Variants in HEXD observed in about 807,000 individuals in gnomAD.
HEXD encodes hexosaminidase D.
Under a neutral mutation model 54.2 loss-of-function variants are expected in HEXD, and 47 were observed. The ratio of observed to expected loss-of-function variants is 0.87; its 90% CI spans 0.69 to 1.11. The LOEUF (loss-of-function observed/expected upper bound fraction) is 1.11, where lower values mean the gene tolerates loss of function less well. Among genes scored for constraint, HEXD ranks in the 50% least tolerant of loss-of-function variants. The pLI, the probability that HEXD is intolerant of heterozygous loss-of-function variation, is 0.00. For synonymous variants in HEXD, 293 were observed against 287.6 expected, an observed-to-expected ratio of 1.02 and a Z score of -0.19; for missense variants, 576 against 649.2, an observed-to-expected ratio of 0.89 and a Z score of 1.23.
rs764818790 is a variant in HEXD, at chr17:82,424,429, C to T, written c.120C>T (p.Gly40=). ...FPLFRALGAN[G]LLIEYEDMFP... is the part of the protein sequence containing the mutation. ...TGTTCCGTGCGCTAGGTGCAAACGG[C>T]CTCCTCATTGAGTATGAAGACATGT... The change falls in exon 3 of 13, where the codon GGC becomes GGT. Residue 40 remains glycine (G), a synonymous_variant. Transcript: ENST00000327949. 3.7e-6 allele frequency: 6 copies of T among 1,614,004 alleles called. No individual in the cohort carries two copies. The highest frequency in any genetic ancestry group is 1.3e-5 in the African/African-American group (1 of 74,938).
chr17:82,437,012 C>A, intron 7 of HEXD, 156 bp from the exon 8 acceptor site: 1 of 725,414 alleles, frequency 1.4e-6, no homozygotes. Context: ...GGACCCGGGC[C>A]GGCCGCATAC....
intron 10 of HEXD, 44 bp from the exon 11 acceptor site, chr17:82,441,120 TC>T (rs1567898177): frequency 6.2e-7 from 1 of 1,613,112 alleles, no homozygotes; most frequent in Non-Finnish European, 8.5e-7. Flanking sequence ...CCCCTCCCCT[TC>T]CCCCGCCCGT....
intron 3 of HEXD, among the ~76,000 whole-genome samples, chr17:82,425,243 A>G (rs1291644933): frequency 1.4e-5 from 2 of 143,892 alleles, no homozygotes; most frequent in Non-Finnish European, 1.5e-5. Flanking sequence ...GGAGGAGGCT[A>G]GAGAAGGCTG....
Position 82,439,699 on chromosome 17 carries a change from A to G in HEXD, c.968A>G (p.Gln323Arg), listed in dbSNP as rs777901562. The change falls in exon 9 of 13, where the codon CAG (glutamine) becomes CGG (arginine). Residue 323 changes from glutamine to arginine, a missense_variant. Gln to Arg is a conservative substitution (Grantham distance 43). Coordinates refer to ENST00000327949, the MANE Select transcript of HEXD (RefSeq NM_001330542.2). ...GTCCCGTCCCTGGCCGCCTGCCTGC[A>G]GTTGCTTCTACGCGGTATGTCTGGT... ...AGVPSLAACL[Q>R]LLLRGGFDED... 4.4e-6 allele frequency: 7 copies of G among 1,599,568 alleles called. No homozygotes were observed. Among genetic ancestry groups the G allele is most frequent in the Non-Finnish European group, 5.9e-6 (7 of 1,178,888 alleles).
rs756614958 is a variant in HEXD, at chr17:82,441,054, T to G, written c.1040T>G (p.Leu347Arg). The change falls in exon 10 of 13, where the codon CTG becomes CGG. Residue 347 changes from leucine to arginine, a missense_variant. Leu to Arg is a moderately radical substitution (Grantham distance 102). Transcript: ENST00000327949. ...KVENLLGISS[L>R]EKTDPVREGA... ...GAGAACCTTCTCGGGATTTCCAGCC[T>G]GGAAAAAACGGACCCTGTTAGGCAA... is the stretch of plus-strand genomic sequence containing the variant. 6.2e-7 allele frequency: 1 copy of G among 1,613,590 alleles called. No individual in the cohort carries two copies. Among genetic ancestry groups the G allele is most frequent in the East Asian group, 2.2e-5 (1 of 44,882 alleles).
chr17:82,436,643 A>G (rs763860155), intron 6 of HEXD, 24 bp from the exon 7 acceptor site: 1 of 1,597,342 alleles, frequency 6.3e-7, no homozygotes, highest in Non-Finnish European at 8.5e-7. Context: ...TGTCTCACCA[A>G]CCTCACGTCC....
chr17:82,419,989 A>G (rs576308918), intron 2 of HEXD, 106 bp downstream of exon 2: 2 of 548,296 alleles, frequency 3.6e-6, no homozygotes, highest in Admixed American at 3.4e-5. Flanking sequence ...CACAACCACA[A>G]GGTTCTCGGT....
chr17:82,418,978 C>T (rs969937019), intron 1 of HEXD, among the ~76,000 whole-genome samples: 1 of 152,214 alleles, frequency 6.6e-6, no homozygotes. Context: ...TTACAGAGCC[C>T]TTAGGGTCAG....
intron 9 of HEXD, chr17:82,440,410 A>T (rs1371855303): frequency 3.3e-6 from 3 of 895,846 alleles, no homozygotes; most frequent in Non-Finnish European, 4.5e-6. Flanking sequence ...GGCAGAAACG[A>T]TAAAAACAGA....
intron 5 of HEXD, 75 bp from the exon 6 acceptor site, chr17:82,435,614 C>T (rs981165176): frequency 4.8e-6 from 7 of 1,463,842 alleles, no homozygotes; most frequent in Non-Finnish European, 5.6e-6. Flanking sequence ...TCCGTCAGGG[C>T]ACGGCGTGAA....
At chr17:82,432,193 G>A (rs1307270396) in intron 4 of HEXD, among the ~76,000 whole-genome samples, 2 of 152,188 alleles carry the variant, frequency 1.3e-5, no homozygotes, top group Non-Finnish European at 2.9e-5. Context: ...CCCTAGGTTC[G>A]CGCAGTTCCC....
At chr17:82,439,517 G>A (rs1161782108) in intron 8 of HEXD, 114 bp from the exon 9 acceptor site, 1 of 1,476,192 alleles carries the variant, frequency 6.8e-7, no homozygotes, top group South Asian at 1.5e-5. Flanking sequence ...GCTGCCCCCA[G>A]CGCTGATGTA....
rs1388511817 is a variant in HEXD, at chr17:82,435,715, C to T, written c.474C>T (p.Ala158=). ...TCTATTACCTCGGAGAGGGGGAGGC[C>T]TCGCGCCGGTGGCTACAGCAAGAGC... is the stretch of plus-strand genomic sequence containing the variant. ...DEVYYLGEGE[A]SRRWLQQEQN... The change falls in exon 6 of 13, where the codon GCC becomes GCT. Residue 158 remains alanine (A), a synonymous_variant. Transcript: ENST00000327949. The T allele has an allele frequency of 1.2e-6, 2 of 1,612,652 alleles. No individual in the cohort carries two copies. The highest frequency in any genetic ancestry group is 8.5e-7 in the Non-Finnish European group (1 of 1,179,630).
In HEXD at chr17:82,437,310, G is replaced by A. The variant is rs773429268; in HGVS notation, c.846G>A (p.Ala282=). ...LRNHVQWLQV[A]GSGPTDSLQG... ...ACCACGTGCAGTGGCTGCAGGTGGCGGGCAGCGGGCCCACGGACTCACTGC... is the reference window on the plus strand; with the variant it reads ...ACCACGTGCAGTGGCTGCAGGTGGCAGGCAGCGGGCCCACGGACTCACTGC... Residue 282 remains alanine, a synonymous_variant, in exon 8 of 13, where the codon GCG becomes GCA. Transcript: ENST00000327949. 1.7e-5 allele frequency: 28 copies of A among 1,611,322 alleles called. No individual in the cohort carries two copies. Among genetic ancestry groups the A allele is most frequent in the Middle Eastern group, 1.6e-4 (1 of 6,072 alleles).
intron 3 of HEXD, 60 bp from the exon 4 acceptor site, chr17:82,428,498 T>G (rs980706741): frequency 2.8e-6 from 4 of 1,419,340 alleles, no homozygotes; most frequent in African/African-American, 2.8e-5. Context: ...GCTGGGGGGG[T>G]GGGTGTGGAA....
intron 6 of HEXD, 130 bp from the exon 7 acceptor site, chr17:82,436,537 G>A (rs1373922137): frequency 1.4e-6 from 1 of 719,468 alleles, no homozygotes; most frequent in African/African-American, 1.8e-5. Context: ...TCAAAACCCA[G>A]CACGGTGCCA....
In HEXD at chr17:82,424,503, G is replaced by A. The variant is rs764738033; in HGVS notation, c.194G>A (p.Ser65Asn). 7.5e-6 allele frequency: 12 copies of A among 1,605,984 alleles called. No homozygotes were observed. Among genetic ancestry groups the A allele is most frequent in the Non-Finnish European group, 1.0e-5 (12 of 1,172,800 alleles). ...CTGCTGAGGGCCAAGTACGCCTACAGGTAACACTGCCCGTGGCAGGTACAG... is the reference window on the plus strand; with the variant it reads ...CTGCTGAGGGCCAAGTACGCCTACAAGTAACACTGCCCGTGGCAGGTACAG... ...LRLLRAKYAY[S>N]PSEIKEILHL... Residue 65 changes from serine to asparagine, a missense_variant and splice_region_variant, in exon 3 of 13, where the codon AGC (serine) becomes AAC (asparagine). Coordinates refer to ENST00000327949, the MANE Select transcript of HEXD (RefSeq NM_001330542.2).
At chr17:82,439,094 C>G (rs1178382900) in intron 8 of HEXD, among the ~76,000 whole-genome samples, 4 of 152,224 alleles carry the variant, frequency 2.6e-5, no homozygotes, top group African/African-American at 9.6e-5. Context: ...CAGGCCAAGG[C>G]CCCCCAGCCC....
chr17:82,420,143 G>A (rs1029006524), intron 2 of HEXD: 7 of 305,096 alleles, frequency 2.3e-5, no homozygotes, highest in Non-Finnish European at 3.0e-5. Flanking sequence ...GGGTTGAAGT[G>A]TATCTTTCCA....
Sources: allele counts gnomAD v4.1 joint callset (sites outside exome capture counted in the v4.1 genomes callset), GRCh38; gene constraint gnomAD v4.1.1; transcripts MANE v1.5; gene names NCBI Gene and HGNC (gene_info 2026-07-23, HGNC 2026-07-21).